PDZRN4: variants seen among roughly 807,000 people sequenced by gnomAD.
PDZRN4 encodes the protein PDZ domain-containing RING finger protein 4.
PDZRN4 carries 70 observed loss-of-function variants against 99.0 expected under a neutral mutation model. The observed-to-expected ratio is 0.71, with a 90% CI of 0.58 to 0.86. The LOEUF (loss-of-function observed/expected upper bound fraction) is 0.86. Ranked by LOEUF, PDZRN4 falls within the 40% of genes least tolerant of loss-of-function variation. PDZRN4 has a pLI of 0.00. For synonymous variants in PDZRN4, 551 were observed against 501.6 expected, an observed-to-expected ratio of 1.10 and a Z score of -1.32; for missense variants, 1,474 against 1,331.2, an observed-to-expected ratio of 1.11 and a Z score of -1.67.
intron 3 of PDZRN4, among the ~76,000 whole-genome samples, chr12:41,247,247 A>G (rs1325964482): frequency 6.6e-6 from 1 of 152,158 alleles, no homozygotes; most frequent in African/African-American, 2.4e-5. Context: ...TGGAAGTAAG[A>G]TGCTTATTAT....
At chr12:41,460,833 A>G (rs569918037) in intron 3 of PDZRN4, among the ~76,000 whole-genome samples, 1 of 152,340 alleles carries the variant, frequency 6.6e-6, no homozygotes, top group South Asian at 2.1e-4. Flanking sequence ...CTCTAGATGA[A>G]TAAGTTCATG....
chr12:41,394,034 T>C (rs1240443607), intron 3 of PDZRN4, among the ~76,000 whole-genome samples: 1 of 152,222 alleles, frequency 6.6e-6, no homozygotes, highest in African/African-American at 2.4e-5. Flanking sequence ...AATGGAAATG[T>C]ATTTCTCTTG....
intron 3 of PDZRN4, among the ~76,000 whole-genome samples, chr12:41,203,881 A>G (rs1950832230): frequency 6.6e-6 from 1 of 151,996 alleles, no homozygotes; most frequent in Non-Finnish European, 1.5e-5. Flanking sequence ...AGTCAGTGAT[A>G]AGGTTTGAAC....
intron 6 of PDZRN4, among the ~76,000 whole-genome samples, chr12:41,553,595 T>C (rs1323311661): frequency 1.3e-5 from 2 of 151,934 alleles, no homozygotes; most frequent in Non-Finnish European, 2.9e-5. Context: ...TCAGGAGGCT[T>C]TGGCAATAGG....
At chr12:41,313,224 T>C (rs1951618253) in intron 3 of PDZRN4, among the ~76,000 whole-genome samples, 1 of 152,186 alleles carries the variant, frequency 6.6e-6, no homozygotes, top group African/African-American at 2.4e-5. Context: ...TCATTCCCAC[T>C]GTACTACCAC....
intron 3 of PDZRN4, among the ~76,000 whole-genome samples, chr12:41,223,469 A>T (rs1247034805): frequency 6.6e-6 from 1 of 152,270 alleles, no homozygotes; most frequent in African/African-American, 2.4e-5. Context: ...GATGAATAAC[A>T]TATACCTCTT....
At chr12:41,399,872 T>A (rs1952277359) in intron 3 of PDZRN4, among the ~76,000 whole-genome samples, 1 of 152,094 alleles carries the variant, frequency 6.6e-6, no homozygotes, top group East Asian at 1.9e-4. Flanking sequence ...TCCAATCACT[T>A]CTGTTTATGC....
In PDZRN4 at chr12:41,573,928, A is replaced by T; in HGVS notation, c.*38A>T. On this transcript the variant is annotated 3_prime_UTR_variant, in exon 10 of 10. Transcript: ENST00000402685. Reference sequence around the variant, plus strand: ...AATGCATGCGACTGATTTTAGGAGGATGCTACCAGTTTCGGTAGAGTATGA... The same window carrying T: ...AATGCATGCGACTGATTTTAGGAGGTTGCTACCAGTTTCGGTAGAGTATGA... The T allele has an allele frequency of 1.4e-6, 2 of 1,413,084 alleles. No individual in the cohort carries two copies. The highest frequency in any genetic ancestry group is 1.9e-6 in the Non-Finnish European group (2 of 1,047,600). The allele number at this position is 1,413,084 out of a possible 1,614,324, so 87.5% of individuals were successfully genotyped here.
rs188901548 is a variant in PDZRN4 at position 41,273,581 on chromosome 12, G to T, written c.843+79393G>T. On this transcript the variant is annotated intron_variant, in intron 3 of 9. Transcript: ENST00000402685. ...GGTGAAGCTAGTAAGGAACTTGTAT[G>T]CTTGGAAGTTTTGACACTACTCTAT... Among the ~76,000 whole-genome samples the T allele has an allele frequency of 9.7e-4, 147 of 152,142 alleles. 1 individual carries two copies. Among genetic ancestry groups the T allele is most frequent in the African/African-American group, 3.4e-3 (143 of 41,556 alleles).
chr12:41,198,720 CTGCACATTG>C (rs1453161061), intron 3 of PDZRN4, among the ~76,000 whole-genome samples: 10 of 151,410 alleles, frequency 6.6e-5, no homozygotes, highest in African/African-American at 2.2e-4. Context: ...TGTAACTAAC[CTGCACATTG>C]TGCACATGTA....
intron 3 of PDZRN4, among the ~76,000 whole-genome samples, chr12:41,392,676 T>G (rs1351765488): frequency 6.6e-6 from 1 of 152,180 alleles, no homozygotes; most frequent in African/African-American, 2.4e-5. Flanking sequence ...TGGAAATAGT[T>G]GGTATTATTT....
chr12:41,538,208 A>G (rs1359037978), intron 5 of PDZRN4, among the ~76,000 whole-genome samples: 6 of 152,322 alleles, frequency 3.9e-5, no homozygotes, highest in Middle Eastern at 6.8e-3. Flanking sequence ...TTAAAAAAAA[A>G]GTAACCATCT....
intron 3 of PDZRN4, among the ~76,000 whole-genome samples, chr12:41,488,540 G>T (rs949664296): frequency 1.2e-4 from 19 of 152,102 alleles, no homozygotes; most frequent in African/African-American, 4.6e-4. Context: ...TGCCATCAAA[G>T]AATAATTTTA....
chr12:41,492,337 G>C (rs1027811933), intron 3 of PDZRN4, among the ~76,000 whole-genome samples: 2 of 152,158 alleles, frequency 1.3e-5, no homozygotes, highest in Non-Finnish European at 2.9e-5. Context: ...GCACATGACT[G>C]CCTCCCGTTA....
intron 3 of PDZRN4, among the ~76,000 whole-genome samples, chr12:41,317,360 G>T (rs1951646027): frequency 6.6e-6 from 1 of 151,886 alleles, no homozygotes; most frequent in African/African-American, 2.4e-5. Context: ...CTTCCTAAGG[G>T]AAGGTCAGTC....
At chr12:41,317,000 A>C in intron 3 of PDZRN4, among the ~76,000 whole-genome samples, 1 of 141,872 alleles carries the variant, frequency 7.0e-6, no homozygotes, top group South Asian at 2.4e-4. Flanking sequence ...TTTTGGGAGT[A>C]AGGGGGTGTT....
chr12:41,366,156 T>C (rs1304852248), intron 3 of PDZRN4, among the ~76,000 whole-genome samples: 1 of 152,142 alleles, frequency 6.6e-6, no homozygotes, highest in East Asian at 1.9e-4. Flanking sequence ...AAGTTTATGG[T>C]GCATGATACC....
chr12:41,487,012 A>G (rs1254014822), intron 3 of PDZRN4, among the ~76,000 whole-genome samples: 2 of 152,118 alleles, frequency 1.3e-5, no homozygotes, highest in Non-Finnish European at 2.9e-5. Context: ...ACTGACCACA[A>G]AAGAAATACT....
At chr12:41,473,947 T>G (rs1347045280) in intron 3 of PDZRN4, among the ~76,000 whole-genome samples, 1 of 152,182 alleles carries the variant, frequency 6.6e-6, no homozygotes, top group East Asian at 1.9e-4. Flanking sequence ...GGGTAAGCCT[T>G]GAATGGAGAT....
Sources: allele counts gnomAD v4.1 joint callset (sites outside exome capture counted in the v4.1 genomes callset), GRCh38; gene constraint gnomAD v4.1.1; transcripts MANE v1.5; gene names NCBI Gene and HGNC (gene_info 2026-07-23, HGNC 2026-07-21).